Variants in MED13 observed in about 807,000 individuals in gnomAD.
The protein encoded by MED13 is mediator complex subunit 13, also known as mediator of RNA polymerase II transcription subunit 13.
MED13 carries 23 observed loss-of-function variants against 225.2 expected under a neutral mutation model. That is an observed-to-expected ratio of 0.10 (90% CI 0.07 to 0.14). The LOEUF (loss-of-function observed/expected upper bound fraction) is 0.14, where lower values mean the gene tolerates loss of function less well. MED13 is among the 10% of genes least tolerant of loss of function. The pLI is 1.00. For synonymous variants in MED13, 942 were observed against 889.2 expected (o/e 1.06, Z -1.06); for missense variants, 2,197 against 2,594.5 (o/e 0.85, Z 3.33).
At chr17:62,050,394 A>C (rs1356436509) in intron 3 of MED13, among the ~76,000 whole-genome samples, 1 of 151,860 alleles carries the variant, frequency 6.6e-6, no homozygotes. Context: ...GAGGGAAAAG[A>C]AGTGTGTGCA....
chr17:62,060,614 C>T (rs907221716), intron 2 of MED13, among the ~76,000 whole-genome samples: 1 of 148,200 alleles, frequency 6.7e-6, no homozygotes, highest in African/African-American at 2.5e-5. Flanking sequence ...CACTGCACTC[C>T]AGCCCGCGGG....
At chr17:62,053,463 AAC>A (rs762707221) in intron 2 of MED13, among the ~76,000 whole-genome samples, 3 of 152,236 alleles carry the variant, frequency 2.0e-5, no homozygotes, top group Admixed American at 1.3e-4. Context: ...AAAAAACATT[AAC>A]ACAGTCATTT....
intron 8 of MED13, among the ~76,000 whole-genome samples, chr17:62,021,075 C>T (rs2080638214): frequency 6.6e-6 from 1 of 150,814 alleles, no homozygotes; most frequent in Non-Finnish European, 1.5e-5. Flanking sequence ...TGAAAAGTCT[C>T]CCATGTCTAC....
chr17:61,973,299 G>A (rs1177181874), intron 16 of MED13, among the ~76,000 whole-genome samples: 1 of 151,704 alleles, frequency 6.6e-6, no homozygotes, highest in Admixed American at 6.6e-5. Flanking sequence ...AATAAAGACT[G>A]GTCATAATTA....
intron 17 of MED13, among the ~76,000 whole-genome samples, chr17:61,972,421 T>C (rs971982916): frequency 8.5e-5 from 13 of 152,130 alleles, no homozygotes; most frequent in African/African-American, 3.1e-4. Flanking sequence ...ATAACAAAAG[T>C]ATTTTTTTTG....
At chr17:61,987,204 A>C (rs2080255202) in intron 11 of MED13, 76 bp from the exon 12 acceptor site, 5 of 989,796 alleles carry the variant, frequency 5.1e-6, no homozygotes, top group Non-Finnish European at 7.1e-6. Context: ...TGGGAGGCCG[A>C]GGAGGGTGGA....
At chr17:62,015,915 C>CACACAT (rs1230248036) in intron 8 of MED13, among the ~76,000 whole-genome samples, 7 of 8,608 alleles carry the variant, frequency 8.1e-4, no homozygotes, top group African/African-American at 1.7e-3. Context: ...ACACTATACA[C>CACACAT]ATATATATAT....
intron 17 of MED13, among the ~76,000 whole-genome samples, chr17:61,968,906 T>C (rs1440660993): frequency 6.6e-6 from 1 of 152,144 alleles, no homozygotes; most frequent in Non-Finnish European, 1.5e-5. Flanking sequence ...TGTGTGCCAC[T>C]ATGCTTAGCT....
chr17:62,024,449 C>CA (rs1214748764), intron 8 of MED13, among the ~76,000 whole-genome samples: 1 of 152,136 alleles, frequency 6.6e-6, no homozygotes, highest in African/African-American at 2.4e-5. Flanking sequence ...TCCACCTTTT[C>CA]AAAAAGAATA....
At chr17:62,058,465 G>C (rs979169135) in intron 2 of MED13, among the ~76,000 whole-genome samples, 2 of 141,814 alleles carry the variant, frequency 1.4e-5, no homozygotes, top group African/African-American at 5.3e-5. Flanking sequence ...AGGTCGCAGT[G>C]AGCCAAGATC....
intron 16 of MED13, among the ~76,000 whole-genome samples, chr17:61,976,878 G>C (rs2080161261): frequency 6.6e-6 from 1 of 152,166 alleles, no homozygotes; most frequent in African/African-American, 2.4e-5. Context: ...CTTGCAGTGA[G>C]CCGAGATCGC....
At chr17:61,989,465 AATAGATGGG>A (rs1429714221) in intron 11 of MED13, among the ~76,000 whole-genome samples, 1 of 151,944 alleles carries the variant, frequency 6.6e-6, no homozygotes, top group Non-Finnish European at 1.5e-5. Context: ...CAGCCTCCCA[AATAGATGGG>A]ATTACAGGTG....
chr17:62,013,136 A>AG (rs1474382900), intron 8 of MED13, among the ~76,000 whole-genome samples: 6 of 152,250 alleles, frequency 3.9e-5, no homozygotes, highest in East Asian at 3.9e-4. Context: ...TTGTGCATAG[A>AG]GAAAAAAAAG....
At chr17:61,951,252 C>T (rs773894532) in intron 27 of MED13, among the ~76,000 whole-genome samples, 15 of 152,136 alleles carry the variant, frequency 9.9e-5, no homozygotes, top group South Asian at 2.1e-4. Flanking sequence ...GCCAAGTTCA[C>T]GGGAAAGTTT....
intron 4 of MED13, among the ~76,000 whole-genome samples, chr17:62,034,743 A>G (rs1471767512): frequency 6.6e-6 from 1 of 152,236 alleles, no homozygotes; most frequent in African/African-American, 2.4e-5. Context: ...CAATTCAGCA[A>G]TCTTATAAAA....
chr17:62,049,628 T>C (rs1016988553), intron 3 of MED13, among the ~76,000 whole-genome samples: 10 of 152,132 alleles, frequency 6.6e-5, no homozygotes, highest in Non-Finnish European at 1.3e-4. Flanking sequence ...AACAAAACGA[T>C]GTACAAGAAA....
At chr17:61,995,440 A>G in intron 9 of MED13, 75 bp from the exon 10 acceptor site, 1 of 1,019,500 alleles carries the variant, frequency 9.8e-7, no homozygotes, top group East Asian at 2.6e-5. Context: ...TAAGTATCAT[A>G]ATGTTTTTAG....
intron 3 of MED13, among the ~76,000 whole-genome samples, chr17:62,049,232 A>G (rs1189492787): frequency 1.3e-5 from 2 of 152,190 alleles, no homozygotes; most frequent in African/African-American, 4.8e-5. Context: ...AGGGATATTA[A>G]TTAACAAGAG....
intron 8 of MED13, among the ~76,000 whole-genome samples, chr17:62,026,951 C>T (rs189203645): frequency 2.7e-4 from 41 of 152,192 alleles, no homozygotes; most frequent in African/African-American, 9.6e-4. Flanking sequence ...TGCAAAAAAA[C>T]AGAAAAACAT....
Sources: allele counts gnomAD v4.1 joint callset (sites outside exome capture counted in the v4.1 genomes callset), GRCh38; gene constraint gnomAD v4.1.1; transcripts MANE v1.5; gene names NCBI Gene and HGNC (gene_info 2026-07-23, HGNC 2026-07-21).